The following WDPCP variants were observed in gnomAD, a reference collection of about 807,000 sequenced individuals.
WDPCP encodes WD repeat-containing and planar cell polarity effector protein fritz homolog.
WDPCP carries 71 observed loss-of-function variants against 93.1 expected under a neutral mutation model. The ratio of observed to expected loss-of-function variants is 0.76; its 90% CI spans 0.63 to 0.93. The LOEUF (loss-of-function observed/expected upper bound fraction) is 0.93. WDPCP is among the 40% of genes least tolerant of loss of function. The probability of loss-of-function intolerance (pLI) is 0.00; values close to 1 mark genes in which losing one functional copy is unlikely to be tolerated. For missense variants in WDPCP, 844 were observed against 887.4 expected, an observed-to-expected ratio of 0.95 and a Z score of 0.62; for synonymous variants, 315 against 315.0, an observed-to-expected ratio of 1.00 and a Z score of 0.00.
chr2:63,242,890 T>A (rs964340322), intron 14 of WDPCP, among the ~76,000 whole-genome samples: 1 of 152,086 alleles, frequency 6.6e-6, no homozygotes, highest in African/African-American at 2.4e-5. Context: ...GGGATGCAAA[T>A]CTTCAATGAT....
chr2:63,388,518 G>C (rs1692937453), intron 10 of WDPCP, among the ~76,000 whole-genome samples: 1 of 152,212 alleles, frequency 6.6e-6, no homozygotes, highest in Admixed American at 6.5e-5. Context: ...CTCCTCGCCA[G>C]AAGTGGAACA....
intron 1 of WDPCP, among the ~76,000 whole-genome samples, chr2:63,545,313 ATGTG>A (rs1300996123): frequency 6.0e-5 from 9 of 149,814 alleles, no homozygotes; most frequent in African/African-American, 2.0e-4. Context: ...GTGCACGTGT[ATGTG>A]TGTGTATGTG....
intron 6 of WDPCP, among the ~76,000 whole-genome samples, chr2:63,458,231 A>C (rs1698774082): frequency 6.7e-6 from 1 of 149,526 alleles, no homozygotes; most frequent in Non-Finnish European, 1.5e-5. Flanking sequence ...CAGGCAAGAA[A>C]AAAAAAAAAA....
intron 14 of WDPCP, among the ~76,000 whole-genome samples, chr2:63,191,424 G>A (rs967763646): frequency 2.6e-5 from 4 of 152,056 alleles, no homozygotes; most frequent in African/African-American, 9.7e-5. Context: ...GGGACATTTA[G>A]GTGACCTTTC....
chr2:63,223,615 G>A (rs1005802151), intron 14 of WDPCP, among the ~76,000 whole-genome samples: 1 of 152,226 alleles, frequency 6.6e-6, no homozygotes, highest in African/African-American at 2.4e-5. Context: ...TGGTGGCAGG[G>A]CTATAGCATG....
chr2:63,503,550 C>T (rs1411683645), intron 1 of WDPCP, among the ~76,000 whole-genome samples: 3 of 152,058 alleles, frequency 2.0e-5, no homozygotes. Context: ...AACACAGATA[C>T]CTACTTTTCT....
At chr2:63,810,622 G>T (rs574104984) in intron 2 of WDPCP, among the ~76,000 whole-genome samples, 5 of 152,186 alleles carry the variant, frequency 3.3e-5, no homozygotes, top group African/African-American at 1.2e-4. Context: ...CAAGGTGGGG[G>T]TAACCAGAAA....
Position 63,627,015 on chromosome 2 carries a change from AC to A in WDPCP, n.488+23643del, listed in dbSNP as rs1709817823. ...CCCAAGAGAATAAAATATATAAATA[AC>A]AACAACAACAACAAAATCCAAGAAT... On this transcript the variant is annotated intron_variant and non_coding_transcript_variant, in intron 3 of 4. Transcript: ENST00000467687. Among the ~76,000 whole-genome samples the A allele has an allele frequency of 2.0e-5, 3 of 151,994 alleles. No homozygotes were observed. In the South Asian group the frequency reaches 6.2e-4, roughly 31 times the overall value.
At chr2:63,480,790 A>T (rs1419272323) in intron 6 of WDPCP, among the ~76,000 whole-genome samples, 1 of 152,210 alleles carries the variant, frequency 6.6e-6, no homozygotes, top group East Asian at 1.9e-4. Flanking sequence ...ATTCTAGAAG[A>T]TAACATTGGA....
intron 1 of WDPCP, among the ~76,000 whole-genome samples, chr2:63,573,866 A>T (rs577116757): frequency 6.6e-6 from 1 of 152,094 alleles, no homozygotes; most frequent in Non-Finnish European, 1.5e-5. Context: ...GGCCTCTAAA[A>T]TGGCCGCTTC....
intron 12 of WDPCP, among the ~76,000 whole-genome samples, chr2:63,315,507 T>G (rs1354690870): frequency 6.6e-6 from 1 of 151,030 alleles, no homozygotes; most frequent in Non-Finnish European, 1.5e-5. Context: ...ATAAAGATAA[T>G]CAAAAACACA....
chr2:63,684,479 A>T lies in WDPCP; in HGVS notation n.309-33641T>A. 5.6e-5 allele frequency: 43 copies of T among 770,612 alleles called. 1 individual carries two copies. Among genetic ancestry groups the T allele is most frequent in the South Asian group, 5.2e-4 (39 of 74,590 alleles). The allele number at this position is 770,612 out of a possible 1,614,324, so 47.7% of individuals were successfully genotyped here. A position where few individuals can be genotyped will look rare whatever the true frequency, so the allele number is the denominator to read the frequency against. Reference sequence around the variant, plus strand: ...CCGCAAAGTGATAGCTGTCATGGGCAAGAAGAAGATCGCCAAGAGGTCAAA... The same window carrying T: ...CCGCAAAGTGATAGCTGTCATGGGCTAGAAGAAGATCGCCAAGAGGTCAAA... On this transcript the variant is annotated intron_variant and non_coding_transcript_variant, in intron 2 of 4. Coordinates refer to the WDPCP transcript ENST00000467687.
intron 3 of WDPCP, among the ~76,000 whole-genome samples, chr2:63,634,106 T>C (rs1395710689): frequency 6.6e-6 from 1 of 151,942 alleles, no homozygotes; most frequent in African/African-American, 2.4e-5. Flanking sequence ...ATAGACTGCC[T>C]GAGTAGACAA....
At chr2:63,774,441 A>G (rs958794423) in intron 2 of WDPCP, among the ~76,000 whole-genome samples, 1 of 152,138 alleles carries the variant, frequency 6.6e-6, no homozygotes, top group East Asian at 1.9e-4. Context: ...AAATCTCCCC[A>G]GGAAATCTCA....
intron 1 of WDPCP, among the ~76,000 whole-genome samples, chr2:63,535,907 C>G (rs1704239559): frequency 6.6e-6 from 1 of 152,124 alleles, no homozygotes; most frequent in Admixed American, 6.6e-5. Flanking sequence ...AAAGAAACTA[C>G]CAGCAGAGTG....
At chr2:63,343,355 A>G (rs1688981034) in intron 12 of WDPCP, among the ~76,000 whole-genome samples, 3 of 151,948 alleles carry the variant, frequency 2.0e-5, no homozygotes, top group Admixed American at 2.0e-4. Flanking sequence ...AATGATTACT[A>G]ATGAGAAAAG....
intron 2 of WDPCP, among the ~76,000 whole-genome samples, chr2:63,750,242 T>C (rs1669860826): frequency 6.6e-6 from 1 of 152,038 alleles, no homozygotes; most frequent in Non-Finnish European, 1.5e-5. Context: ...GGCACTAAAA[T>C]AAATTTCTCT....
intron 12 of WDPCP, among the ~76,000 whole-genome samples, chr2:63,374,594 CT>C (rs1691692379): frequency 6.6e-6 from 1 of 152,052 alleles, no homozygotes; most frequent in South Asian, 2.1e-4. Flanking sequence ...TGCTTAAGAA[CT>C]GTTTTAGTCA....
At chr2:63,717,354 C>T (rs1669353643) in intron 2 of WDPCP, 1 of 482,746 alleles carries the variant, frequency 2.1e-6, no homozygotes, top group African/African-American at 2.0e-5. Flanking sequence ...GCACCAAGGA[C>T]TGGTACATGA....
Sources: allele counts gnomAD v4.1 joint callset (sites outside exome capture counted in the v4.1 genomes callset), GRCh38; gene constraint gnomAD v4.1.1; transcripts MANE v1.5; gene names NCBI Gene and HGNC (gene_info 2026-07-23, HGNC 2026-07-21).